UBOX5: variants seen among roughly 807,000 people sequenced by gnomAD.
The protein encoded by UBOX5 is U-box domain containing 5.
UBOX5 carries 28 observed loss-of-function variants against 39.0 expected under a neutral mutation model. The ratio of observed to expected loss-of-function variants is 0.72; its 90% confidence interval spans 0.53 to 0.98. The LOEUF is 0.98. Ranked by LOEUF, UBOX5 falls within the 50% of genes least tolerant of loss-of-function variation. UBOX5 has a pLI of 0.00. For missense variants in UBOX5, 585 were observed against 674.4 expected (o/e 0.87, Z 1.47); for synonymous variants, 283 against 275.5 (o/e 1.03, Z -0.27).
intron 1 of UBOX5, among the ~76,000 whole-genome samples, chr20:3,138,450 G>C (rs1164833066): frequency 6.6e-6 from 1 of 152,168 alleles, no homozygotes; most frequent in Non-Finnish European, 1.5e-5. Context: ...TTTATGTATT[G>C]AAAGTTGATG....
intron 1 of UBOX5, among the ~76,000 whole-genome samples, chr20:3,131,476 T>A (rs2066428604): frequency 6.6e-6 from 1 of 152,226 alleles, no homozygotes; most frequent in Non-Finnish European, 1.5e-5. Flanking sequence ...TATTTGGTTG[T>A]AGCATATTGT....
intron 1 of UBOX5, chr20:3,148,637 T>C: frequency 1.2e-6 from 2 of 1,614,168 alleles, no homozygotes; most frequent in Non-Finnish European, 1.7e-6. Context: ...CAAAATTAGT[T>C]CACCTTCTGA....
intron 1 of UBOX5, among the ~76,000 whole-genome samples, chr20:3,139,546 C>T (rs1219300187): frequency 6.6e-6 from 1 of 151,384 alleles, no homozygotes; most frequent in Non-Finnish European, 1.5e-5. Context: ...CCCACCACCA[C>T]ACCCAACTAA....
chr20:3,116,785 T>C (rs2066296602), intron 3 of UBOX5: 1 of 152,140 alleles, frequency 6.6e-6, no homozygotes, highest in African/African-American at 2.4e-5. Flanking sequence ...AACAGAATAA[T>C]TTCCATAAGG....
chr20:3,142,693 T>C (rs1480389832), intron 1 of UBOX5, among the ~76,000 whole-genome samples: 3 of 140,436 alleles, frequency 2.1e-5, no homozygotes, highest in Non-Finnish European at 3.0e-5. Flanking sequence ...GAATCGCTTG[T>C]ACCTGGGTGG....
rs542545718 is a variant in UBOX5, at chr20:3,133,763, G to GC, written c.-41-10358_-41-10357insG. Among the ~76,000 whole-genome samples the GC allele has an allele frequency of 2.0e-3, 301 of 150,694 alleles. 2 individuals are homozygous for GC. Among genetic ancestry groups the GC allele is most frequent in the African/African-American group, 7.0e-3 (287 of 41,122 alleles). ...TTTTTTTCTTATTTTTTTTGGGGGG[G>GC]GGAAACAGGCTCTCACTCCCATGCC... is the stretch of plus-strand genomic sequence containing the variant. On this transcript the variant is annotated intron_variant, in intron 1 of 4. Transcript: ENST00000217173.
chr20:3,124,313 C>T (rs975987490), intron 1 of UBOX5, among the ~76,000 whole-genome samples: 4 of 152,200 alleles, frequency 2.6e-5, no homozygotes, highest in African/African-American at 7.2e-5. Flanking sequence ...CTCCCTGCCT[C>T]GGGCTCCCGT....
At chr20:3,128,505 G>A (rs1446963112) in intron 1 of UBOX5, among the ~76,000 whole-genome samples, 1 of 152,184 alleles carries the variant, frequency 6.6e-6, no homozygotes, top group African/African-American at 2.4e-5. Flanking sequence ...TGGGACTTGA[G>A]AGGGTTTTCT....
intron 1 of UBOX5, among the ~76,000 whole-genome samples, chr20:3,156,143 A>C (rs1464998303): frequency 6.6e-6 from 1 of 150,562 alleles, no homozygotes; most frequent in Non-Finnish European, 1.5e-5. Flanking sequence ...AGAGAACACT[A>C]TGAGATGCTC....
At chr20:3,142,772 CAAAAAAAA>C (rs58907108) in intron 1 of UBOX5, among the ~76,000 whole-genome samples, 2 of 77,770 alleles carry the variant, frequency 2.6e-5, no homozygotes, top group African/African-American at 1.1e-4. Flanking sequence ...AACTCTGTCT[CAAAAAAAA>C]AAAAAAAAAA....
intron 1 of UBOX5, among the ~76,000 whole-genome samples, chr20:3,129,088 G>C (rs1397945333): frequency 6.6e-6 from 1 of 152,106 alleles, no homozygotes; most frequent in Non-Finnish European, 1.5e-5. Flanking sequence ...CTCCACCCGC[G>C]TCAGGGGCTG....
intron 1 of UBOX5, among the ~76,000 whole-genome samples, chr20:3,129,948 T>A (rs1396015896): frequency 6.6e-6 from 1 of 152,192 alleles, no homozygotes; most frequent in Non-Finnish European, 1.5e-5. Flanking sequence ...GGTATAAATA[T>A]GCTGGGCATA....
At chr20:3,124,456 G>A (rs572452299) in intron 1 of UBOX5, among the ~76,000 whole-genome samples, 15 of 152,304 alleles carry the variant, frequency 9.8e-5, no homozygotes, top group South Asian at 4.1e-4. Context: ...GTGCAGTGGC[G>A]TGATCTCGGC....
chr20:3,123,050 A>G (rs1312340331), intron 2 of UBOX5, among the ~76,000 whole-genome samples: 1 of 152,160 alleles, frequency 6.6e-6, no homozygotes, highest in Non-Finnish European at 1.5e-5. Flanking sequence ...CTTTGACGAG[A>G]CTGGAGATTG....
intron 1 of UBOX5, among the ~76,000 whole-genome samples, chr20:3,129,662 C>G (rs2066414831): frequency 6.6e-6 from 1 of 152,264 alleles, no homozygotes; most frequent in South Asian, 2.1e-4. Context: ...GTTTAGTGGA[C>G]AAAATGATCA....
chr20:3,145,596 G>A (rs970008596), intron 1 of UBOX5, among the ~76,000 whole-genome samples: 13 of 152,016 alleles, frequency 8.6e-5, no homozygotes, highest in South Asian at 6.2e-4. Context: ...ACACCACCAC[G>A]CCTGGCTAAT....
intron 4 of UBOX5, among the ~76,000 whole-genome samples, chr20:3,114,046 A>ATCAC (rs2066274883): frequency 1.3e-5 from 2 of 152,192 alleles, no homozygotes; most frequent in African/African-American, 4.8e-5. Context: ...AGGCAGGAGA[A>ATCAC]TCACTTGAAC....
chr20:3,148,511 A>G, intron 1 of UBOX5: 2 of 1,614,178 alleles, frequency 1.2e-6, no homozygotes, highest in Non-Finnish European at 8.5e-7. Context: ...GAGCAGAGCA[A>G]AGCTGGTACT....
At chr20:3,136,836 T>C (rs1475920349) in intron 1 of UBOX5, among the ~76,000 whole-genome samples, 7 of 151,714 alleles carry the variant, frequency 4.6e-5, no homozygotes, top group African/African-American at 1.5e-4. Flanking sequence ...TTTGTATTTT[T>C]AGTAGAGACG....
Sources: allele counts gnomAD v4.1 joint callset (sites outside exome capture counted in the v4.1 genomes callset), GRCh38; gene constraint gnomAD v4.1.1; transcripts MANE v1.5; gene names NCBI Gene and HGNC (gene_info 2026-07-23, HGNC 2026-07-21).